The following CLVS1 variants were observed in gnomAD, a reference collection of about 807,000 sequenced individuals.
The protein encoded by CLVS1 is clavesin-1.
Under a neutral mutation model 33.1 loss-of-function variants are expected in CLVS1, and 10 were observed. The observed-to-expected ratio is 0.30, with a 90% CI of 0.19 to 0.51. The LOEUF is 0.51. Ranked by LOEUF, CLVS1 falls within the 20% of genes least tolerant of loss-of-function variation. The pLI is 0.97. For missense variants in CLVS1, 343 were observed against 433.4 expected (o/e 0.79, Z 1.85); for synonymous variants, 163 against 166.1 (o/e 0.98, Z 0.14).
chr8:61,050,739 C>T, the CLVS1 span, among the ~76,000 whole-genome samples: 1 of 152,212 alleles, frequency 6.6e-6, no homozygotes, highest in Non-Finnish European at 1.5e-5. Flanking sequence ...ATCCATCTGG[C>T]CTTAGCTTCG....
chr8:61,373,121 G>A (rs1029998897), intron 2 of CLVS1, among the ~76,000 whole-genome samples: 1 of 152,112 alleles, frequency 6.6e-6, no homozygotes, highest in African/African-American at 2.4e-5. Flanking sequence ...TAAAAAGCTA[G>A]GAGTCCAGAA....
At chr8:61,014,561 AT>A in the CLVS1 span, among the ~76,000 whole-genome samples, 2 of 152,250 alleles carry the variant, frequency 1.3e-5, no homozygotes, top group Non-Finnish European at 2.9e-5. Flanking sequence ...GCACTTTGAA[AT>A]GTTTAAAGAA....
intron 2 of CLVS1, among the ~76,000 whole-genome samples, chr8:61,180,942 C>A (rs1259548854): frequency 6.6e-6 from 1 of 152,224 alleles, no homozygotes; most frequent in Non-Finnish European, 1.5e-5. Context: ...ACAAGGATGT[C>A]CCCTCTCACC....
chr8:61,257,068 G>T (rs149929429), intron 2 of CLVS1, among the ~76,000 whole-genome samples: 1,687 of 152,240 alleles, frequency 0.011, 14 homozygotes, highest in Non-Finnish European at 0.016. Context: ...CAAAAAGATG[G>T]CTTTGATCGA....
At chr8:60,970,619 C>T in the CLVS1 span, among the ~76,000 whole-genome samples, 1 of 152,192 alleles carries the variant, frequency 6.6e-6, no homozygotes. Context: ...TTCTATCTCC[C>T]TGTATTGCTG....
the CLVS1 span, among the ~76,000 whole-genome samples, chr8:60,973,282 T>A: frequency 6.6e-6 from 1 of 152,264 alleles, no homozygotes; most frequent in African/African-American, 2.4e-5. Flanking sequence ...AATTGTTTTC[T>A]CCTTATACAA....
chr8:61,054,527 A>G (rs1475212897), upstream of CLVS1, among the ~76,000 whole-genome samples: 1 of 152,172 alleles, frequency 6.6e-6, no homozygotes, highest in South Asian at 2.1e-4. Flanking sequence ...ATCCTGCCAG[A>G]TGATGTTTCT....
In CLVS1 at chr8:61,074,410, T is replaced by A. The variant is rs948816566; in HGVS notation, c.-243+17180T>A. Among the ~76,000 whole-genome samples the A allele has an allele frequency of 3.5e-3, 508 of 144,554 alleles. 29 individuals carry two copies. The highest frequency in any genetic ancestry group is 0.012 in the African/African-American group (479 of 38,498). 94.8% of individuals were successfully genotyped at this position (144,554 alleles called of 152,430 possible). A position where few individuals can be genotyped will look rare whatever the true frequency, so the allele number is the denominator to read the frequency against. On this transcript the variant is annotated intron_variant, in intron 1 of 2. Coordinates refer to the CLVS1 transcript ENST00000522621. ...TGTATATATATATGTTATATATATA[T>A]AAGTATATGTGTATATATATATGTT...
At chr8:61,358,328 G>A (rs770246960) in intron 2 of CLVS1, among the ~76,000 whole-genome samples, 1 of 152,154 alleles carries the variant, frequency 6.6e-6, no homozygotes, top group Non-Finnish European at 1.5e-5. Context: ...ATTGTACACT[G>A]TGTGCAAACA....
chr8:61,397,386 T>C (rs1262147790), intron 3 of CLVS1, among the ~76,000 whole-genome samples: 1 of 152,204 alleles, frequency 6.6e-6, no homozygotes, highest in South Asian at 2.1e-4. Flanking sequence ...TGCCAACTTT[T>C]AATTTTTTTA....
At chr8:61,179,551 G>C (rs1807189721) in intron 2 of CLVS1, among the ~76,000 whole-genome samples, 1 of 152,094 alleles carries the variant, frequency 6.6e-6, no homozygotes, top group South Asian at 2.1e-4. Flanking sequence ...TCTTCTCAGT[G>C]CCACATGGAA....
chr8:61,073,172 G>A (rs1804831035), intron 1 of CLVS1, among the ~76,000 whole-genome samples: 1 of 152,146 alleles, frequency 6.6e-6, no homozygotes, highest in African/African-American at 2.4e-5. Flanking sequence ...GGAAGAATCA[G>A]ATACATATCT....
At chr8:61,120,118 T>C (rs1266348687) in intron 1 of CLVS1, among the ~76,000 whole-genome samples, 5 of 148,166 alleles carry the variant, frequency 3.4e-5, no homozygotes, top group African/African-American at 1.3e-4. Context: ...TTCATTTCAT[T>C]CATTTCATCT....
chr8:61,308,121 A>ACC (rs1810696753), intron 2 of CLVS1, among the ~76,000 whole-genome samples: 1 of 152,226 alleles, frequency 6.6e-6, no homozygotes, highest in Non-Finnish European at 1.5e-5. Flanking sequence ...ATAATACTGC[A>ACC]CATATATAGA....
At chr8:61,193,671 A>T (rs540859864) in intron 2 of CLVS1, among the ~76,000 whole-genome samples, 2 of 152,172 alleles carry the variant, frequency 1.3e-5, no homozygotes, top group South Asian at 4.1e-4. Flanking sequence ...AACTATCAAG[A>T]ATGAAGGTAA....
upstream of CLVS1, among the ~76,000 whole-genome samples, chr8:61,284,023 A>G (rs977197698): frequency 6.6e-6 from 1 of 152,218 alleles, no homozygotes; most frequent in African/African-American, 2.4e-5. Context: ...ACACAATGGA[A>G]TACTATTTAC....
At chr8:61,438,365 T>C (rs1251746824) in intron 3 of CLVS1, among the ~76,000 whole-genome samples, 2 of 152,242 alleles carry the variant, frequency 1.3e-5, no homozygotes, top group Non-Finnish European at 2.9e-5. Context: ...ATCTCATTAC[T>C]TTTTAGGGCT....
chr8:61,407,250 C>T (rs1430614620), intron 3 of CLVS1, among the ~76,000 whole-genome samples: 1 of 152,214 alleles, frequency 6.6e-6, no homozygotes, highest in Admixed American at 6.5e-5. Context: ...GATATTTATT[C>T]ATCCTTTCAA....
In CLVS1 at chr8:61,059,499, T is replaced by TATATATATATATATATATACACAC. The variant is rs1265187479; in HGVS notation, c.-243+2270_-243+2271insTATATATATATATATATACACACA. 7.6e-3 allele frequency among the ~76,000 whole-genome samples: 731 copies of TATATATATATATATATATACACAC among 96,196 alleles called. 5 individuals are homozygous for TATATATATATATATATATACACAC. Among genetic ancestry groups the TATATATATATATATATATACACAC allele is most frequent in the Non-Finnish European group, 0.012 (614 of 50,124 alleles). 63.1% of individuals were successfully genotyped at this position (96,196 alleles called of 152,430 possible). A position where few individuals can be genotyped will look rare whatever the true frequency, so the allele number is the denominator to read the frequency against. ...ACATATATATATATATATATATATA[T>TATATATATATATATATATACACAC]ACACATATCTTGAAAATAGCACGAG... is the stretch of plus-strand genomic sequence containing the variant. On this transcript the variant is annotated intron_variant, in intron 1 of 2. Transcript: ENST00000522621.
Sources: allele counts gnomAD v4.1 joint callset (sites outside exome capture counted in the v4.1 genomes callset), GRCh38; gene constraint gnomAD v4.1.1; transcripts MANE v1.5; gene names NCBI Gene and HGNC (gene_info 2026-07-23, HGNC 2026-07-21).